Variants in ZDHHC17 observed in about 807,000 individuals in gnomAD.
ZDHHC17 encodes the protein palmitoyltransferase ZDHHC17.
ZDHHC17 carries 40 observed loss-of-function variants against 90.3 expected under a neutral mutation model. The observed-to-expected ratio is 0.44, with a 90% CI of 0.34 to 0.58. The LOEUF (loss-of-function observed/expected upper bound fraction) is 0.58. Ranked by LOEUF, ZDHHC17 falls within the 20% of genes least tolerant of loss-of-function variation. The pLI, the probability that ZDHHC17 is intolerant of heterozygous loss-of-function variation, is 0.01. For synonymous variants in ZDHHC17, 235 were observed against 252.4 expected (o/e 0.93, Z 0.65); for missense variants, 614 against 780.8 (o/e 0.79, Z 2.55).
At chr12:76,764,576 G>A (rs959026626) in intron 1 of ZDHHC17, 9 of 569,136 alleles carry the variant, frequency 1.6e-5, no homozygotes, top group Non-Finnish European at 2.8e-5. Flanking sequence ...CAGAGGTGGA[G>A]GTGTTGATGG....
In ZDHHC17 at chr12:76,815,856, G is replaced by A; in HGVS notation, c.609-1G>A. 6.9e-7 allele frequency: 1 copy of A among 1,445,708 alleles called. No individual in the cohort carries two copies. Among genetic ancestry groups the A allele is most frequent in the Non-Finnish European group, 9.1e-7 (1 of 1,093,864 alleles). 89.6% of individuals were successfully genotyped at this position (1,445,708 alleles called of 1,614,324 possible). On this transcript the variant is annotated splice_acceptor_variant, in intron 6 of 16. Transcript: ENST00000426126. LOFTEE classifies it high-confidence loss of function. Reference sequence around the variant, plus strand: ...TTGTTTTTTTTTTTTTTCCTTTTCAGTGTGGATCCAACTAGATTGCTTTTA... The same window carrying A: ...TTGTTTTTTTTTTTTTTCCTTTTCAATGTGGATCCAACTAGATTGCTTTTA...
Position 76,797,415 on chromosome 12 carries a change from G to A in ZDHHC17, c.94-19G>A, listed in dbSNP as rs756709835. ...CTCTTTTTTCAATTCTTGCCTGTGT[G>A]TGATTTTCTTTTTAACAGGAAATCA... is the stretch of plus-strand genomic sequence containing the variant. On this transcript the variant is annotated intron_variant, in intron 1 of 16. Transcript: ENST00000426126. The A allele has an allele frequency of 3.2e-6, 5 of 1,564,792 alleles. No individual in the cohort carries two copies. Among genetic ancestry groups the A allele is most frequent in the Admixed American group, 1.8e-5 (1 of 55,382 alleles).
At position 76,764,233 on chromosome 12, in the gene ZDHHC17, C is replaced by T; in HGVS notation, c.-4C>T. The T allele has an allele frequency of 6.3e-7, 1 of 1,595,018 alleles. No homozygotes were observed. The highest frequency in any genetic ancestry group is 2.3e-5 in the East Asian group (1 of 43,880). On this transcript the variant is annotated 5_prime_UTR_variant, in exon 1 of 17. Transcript: ENST00000426126. ...CCCGGGAGGGTGAAACGCTTTCTCCCAGCATGCAGCGGGAGGAGGGATTTA... is the reference window on the plus strand; with the variant it reads ...CCCGGGAGGGTGAAACGCTTTCTCCTAGCATGCAGCGGGAGGAGGGATTTA...
At chr12:76,781,914 G>GT (rs1301526237) in intron 1 of ZDHHC17, among the ~76,000 whole-genome samples, 1 of 152,190 alleles carries the variant, frequency 6.6e-6, no homozygotes, top group Non-Finnish European at 1.5e-5. Context: ...ACTGTATGAT[G>GT]TATTTGTATA....
In ZDHHC17 at chr12:76,790,515, A is replaced by G. The variant is rs1297875785; in HGVS notation, c.94-6919A>G. ...AGACTCTGTCTCTAAATAAATAAAT[A>G]TTCATTCATCAAATGTCTGTGGAAA... On this transcript the variant is annotated intron_variant, in intron 1 of 16. Coordinates refer to ENST00000426126, the MANE Select transcript of ZDHHC17 (RefSeq NM_015336.4). 2.0e-5 allele frequency among the ~76,000 whole-genome samples: 3 copies of G among 152,260 alleles called. No individual in the cohort carries two copies. In the East Asian group the frequency reaches 5.8e-4, roughly 29 times the overall value.
chr12:76,840,054 A>G (rs1158783628), intron 10 of ZDHHC17: 1 of 152,152 alleles, frequency 6.6e-6, no homozygotes, highest in East Asian at 1.9e-4. Flanking sequence ...CTTCAGTCGT[A>G]TCATCTGTAA....
chr12:76,815,813 T>C, intron 6 of ZDHHC17, 44 bp from the exon 7 acceptor site: 2 of 1,443,870 alleles, frequency 1.4e-6, no homozygotes, highest in Non-Finnish European at 1.8e-6. Flanking sequence ...TAATTGAAAT[T>C]AGGGTTGTTG....
chr12:76,772,071 A>C (rs1952499054), intron 1 of ZDHHC17, among the ~76,000 whole-genome samples: 1 of 152,332 alleles, frequency 6.6e-6, no homozygotes, highest in Admixed American at 6.5e-5. Flanking sequence ...GCACTATCCT[A>C]AACAATTTTG....
At chr12:76,781,276 T>C (rs1952622811) in intron 1 of ZDHHC17, among the ~76,000 whole-genome samples, 1 of 152,256 alleles carries the variant, frequency 6.6e-6, no homozygotes, top group African/African-American at 2.4e-5. Flanking sequence ...TAATACGTAC[T>C]TACCCTAGAG....
chr12:76,772,559 G>A (rs573885073), intron 1 of ZDHHC17, among the ~76,000 whole-genome samples: 4 of 146,930 alleles, frequency 2.7e-5, no homozygotes, highest in East Asian at 2.0e-4. Context: ...TTTTTGAGAC[G>A]GAGTCTAGCT....
intron 1 of ZDHHC17, among the ~76,000 whole-genome samples, chr12:76,785,922 T>G (rs1952678884): frequency 1.3e-5 from 2 of 152,180 alleles, no homozygotes; most frequent in Non-Finnish European, 2.9e-5. Context: ...CTCTTTACCC[T>G]TATATGTATG....
chr12:76,822,392 G>C lies in ZDHHC17; in HGVS notation c.772-14G>C, dbSNP rs1233585229. 1 of 1,611,172 alleles carries C rather than the reference G, an allele frequency of 6.2e-7. No homozygotes were observed. On this transcript the variant is annotated splice_polypyrimidine_tract_variant and intron_variant, in intron 7 of 16. Transcript: ENST00000426126. ...TAAACTTTTAATAGGAATTTCTTCT[G>C]TTTATATTATCAGGGCGAATCAGCG...
In ZDHHC17 at chr12:76,828,519, A is replaced by G. The variant is rs770561475; in HGVS notation, c.1141+29A>G. The G allele has an allele frequency of 1.3e-5, 21 of 1,597,402 alleles. No homozygotes were observed. In the South Asian group the frequency reaches 2.2e-4, roughly 17 times the overall value. On this transcript the variant is annotated intron_variant, in intron 10 of 16. Coordinates refer to ENST00000426126, the MANE Select transcript of ZDHHC17 (RefSeq NM_015336.4). ...TCCTTTGGTTATAAAGATCATACCA[A>G]AAACAAATTTTGTTTGTTATTTGAA...
chr12:76,788,785 C>G (rs1444949725), intron 1 of ZDHHC17, among the ~76,000 whole-genome samples: 1 of 145,266 alleles, frequency 6.9e-6, no homozygotes, highest in Non-Finnish European at 1.5e-5. Flanking sequence ...CAACCTCTGC[C>G]TCCCGGGTTC....
rs997348767 is a variant in ZDHHC17 at position 76,846,499 on chromosome 12, A to G, written c.1424-97A>G. The G allele has an allele frequency of 1.1e-5, 9 of 836,386 alleles. No individual in the cohort carries two copies. The African/African-American group carries it at 1.2e-4, about 11-fold the overall frequency. The allele number at this position is 836,386 out of a possible 1,614,324, so 51.8% of individuals were successfully genotyped here. A position where few individuals can be genotyped will look rare whatever the true frequency, so the allele number is the denominator to read the frequency against. ...AATGAATGTATGTGTGATTATCATCAAAACTGTAGCACACCTTTCATGGCA... is the reference window on the plus strand; with the variant it reads ...AATGAATGTATGTGTGATTATCATCGAAACTGTAGCACACCTTTCATGGCA... On this transcript the variant is annotated intron_variant, in intron 13 of 16. Coordinates refer to ENST00000426126, the MANE Select transcript of ZDHHC17 (RefSeq NM_015336.4).
chr12:76,780,219 G>C (rs1156279407), intron 1 of ZDHHC17, among the ~76,000 whole-genome samples: 1 of 152,098 alleles, frequency 6.6e-6, no homozygotes, highest in African/African-American at 2.4e-5. Flanking sequence ...ATCAATTGGA[G>C]AATTGACAGT....
At chr12:76,833,530 C>T (rs193002244) in intron 10 of ZDHHC17, among the ~76,000 whole-genome samples, 9 of 151,988 alleles carry the variant, frequency 5.9e-5, no homozygotes, top group East Asian at 5.8e-4. Flanking sequence ...TGGTGGCTCA[C>T]GCCTGTAATC....
At chr12:76,816,665 A>G (rs568993206) in intron 7 of ZDHHC17, among the ~76,000 whole-genome samples, 10 of 152,022 alleles carry the variant, frequency 6.6e-5, no homozygotes, top group Admixed American at 2.0e-4. Flanking sequence ...GAAATGGCCA[A>G]TCAAAAAGTA....
intron 2 of ZDHHC17, among the ~76,000 whole-genome samples, chr12:76,802,679 G>C (rs1284052348): frequency 6.6e-6 from 1 of 152,226 alleles, no homozygotes; most frequent in East Asian, 1.9e-4. Flanking sequence ...CTTCATGTTT[G>C]CTGATTCCTT....
Sources: allele counts gnomAD v4.1 joint callset (sites outside exome capture counted in the v4.1 genomes callset), GRCh38; gene constraint gnomAD v4.1.1; transcripts MANE v1.5; gene names NCBI Gene and HGNC (gene_info 2026-07-23, HGNC 2026-07-21).